RGS8: variants seen among roughly 807,000 people sequenced by gnomAD.
The protein encoded by RGS8 is regulator of G protein signaling 8, also known as regulator of G-protein signaling 8.
A neutral mutation model predicts 21.7 loss-of-function variants in RGS8; 8 were observed. The observed-to-expected ratio is 0.37, with a 90% CI of 0.22 to 0.66. RGS8 has a LOEUF of 0.66. Ranked by LOEUF, RGS8 falls within the 30% of genes least tolerant of loss-of-function variation. The pLI, the probability that RGS8 is intolerant of heterozygous loss-of-function variation, is 0.59. For missense variants in RGS8, 157 were observed against 217.9 expected (o/e 0.72, Z 1.76); for synonymous variants, 80 against 83.6 (o/e 0.96, Z 0.24).
chr1:182,690,285 C>A, the RGS8 span, among the ~76,000 whole-genome samples: 1 of 152,230 alleles, frequency 6.6e-6, no homozygotes, highest in Non-Finnish European at 1.5e-5. Flanking sequence ...TCTGGTACAA[C>A]AATAGCACAC....
chr1:182,704,613 G>A, the RGS8 span, among the ~76,000 whole-genome samples: 1 of 152,156 alleles, frequency 6.6e-6, no homozygotes, highest in Non-Finnish European at 1.5e-5. Context: ...TCTAAAACTG[G>A]TCCCTTTCCA....
the RGS8 span, among the ~76,000 whole-genome samples, chr1:182,747,976 T>G: frequency 6.6e-6 from 1 of 152,268 alleles, no homozygotes; most frequent in Non-Finnish European, 1.5e-5. Flanking sequence ...CTTTTTTTAT[T>G]TTTAAAAGTT....
At chr1:182,741,870 G>A in the RGS8 span, among the ~76,000 whole-genome samples, 4 of 138,368 alleles carry the variant, frequency 2.9e-5, no homozygotes, top group Non-Finnish European at 4.8e-5. Flanking sequence ...GCGGCTGGCC[G>A]GGCGGGGGGC....
chr1:182,732,485 ACT>A, the RGS8 span, among the ~76,000 whole-genome samples: 2 of 152,194 alleles, frequency 1.3e-5, no homozygotes, highest in African/African-American at 4.8e-5. Flanking sequence ...CTTGAAAAAG[ACT>A]CATACCATTC....
At chr1:182,683,596 G>C (rs545030650) in intron 1 of RGS8, among the ~76,000 whole-genome samples, 50 of 103,636 alleles carry the variant, frequency 4.8e-4, no homozygotes, top group African/African-American at 1.9e-3. Context: ...TTCTATCACA[G>C]AAAGAGAAGA....
chr1:182,648,171 A>G (rs377524448), exon 6 of RGS8: 12 of 1,612,910 alleles, frequency 7.4e-6, no homozygotes, highest in Non-Finnish European at 1.0e-5. Flanking sequence ...AAACTCCTCA[A>G]AGATCCTATG....
the RGS8 span, among the ~76,000 whole-genome samples, chr1:182,751,069 A>G: frequency 6.6e-6 from 1 of 152,238 alleles, no homozygotes; most frequent in African/African-American, 2.4e-5. Flanking sequence ...ATGAAAATGA[A>G]AGAACTTGTT....
At chr1:182,688,586 ATAT>A (rs376813171), upstream of RGS8, among the ~76,000 whole-genome samples, 4 of 152,346 alleles carry the variant, frequency 2.6e-5, no homozygotes, top group African/African-American at 9.6e-5. Flanking sequence ...TGAGATGAAA[ATAT>A]TATCCTGGGT....
At chr1:182,692,896 T>C in the RGS8 span, among the ~76,000 whole-genome samples, 1 of 152,158 alleles carries the variant, frequency 6.6e-6, no homozygotes, top group South Asian at 2.1e-4. Flanking sequence ...CCCTATTCAG[T>C]AAATGCTGCT....
chr1:182,744,864 A>T, the RGS8 span, among the ~76,000 whole-genome samples: 318 of 152,302 alleles, frequency 2.1e-3, no homozygotes, highest in Middle Eastern at 6.8e-3. Flanking sequence ...TCATCACCCC[A>T]GAAAGAAACC....
upstream of RGS8, among the ~76,000 whole-genome samples, chr1:182,685,514 T>C (rs553250834): frequency 2.0e-5 from 3 of 152,080 alleles, no homozygotes; most frequent in South Asian, 2.1e-4. Context: ...CAACAAACCA[T>C]GGAAGACAGA....
At chr1:182,651,471 A>T (rs1357293770) in intron 5 of RGS8, among the ~76,000 whole-genome samples, 1 of 152,262 alleles carries the variant, frequency 6.6e-6, no homozygotes, top group African/African-American at 2.4e-5. Context: ...AGAGAGTATC[A>T]CATCACATAT....
chr1:182,665,633 A>G (rs1169970511), intron 5 of RGS8, among the ~76,000 whole-genome samples: 3 of 152,184 alleles, frequency 2.0e-5, no homozygotes. Context: ...TACAAACAAG[A>G]TCTGGCTGGA....
At chr1:182,671,792 G>T (rs1344447877) in intron 1 of RGS8, 62 bp from the exon 3 acceptor site, 5 of 1,607,668 alleles carry the variant, frequency 3.1e-6, no homozygotes, top group Non-Finnish European at 4.3e-6. Flanking sequence ...GGGCATGTGT[G>T]CATGAACACA....
chr1:182,669,720 G>C, exon 3 of RGS8: 12 of 1,610,296 alleles, frequency 7.5e-6, no homozygotes, highest in Non-Finnish European at 1.0e-5. Flanking sequence ...AAGACTGCGG[G>C]GCTCAGGAAT....
At chr1:182,686,943 A>C (rs1217304132), upstream of RGS8, among the ~76,000 whole-genome samples, 1 of 152,190 alleles carries the variant, frequency 6.6e-6, no homozygotes, top group Non-Finnish European at 1.5e-5. Context: ...ATGAAGTGTC[A>C]CAGGAGCCAG....
At chr1:182,731,902 C>T in the RGS8 span, among the ~76,000 whole-genome samples, 1 of 152,186 alleles carries the variant, frequency 6.6e-6, no homozygotes, top group African/African-American at 2.4e-5. Flanking sequence ...AAGCAGATTG[C>T]TGAACAAAAG....
chr1:182,741,497 G>T, the RGS8 span, among the ~76,000 whole-genome samples: 1 of 137,814 alleles, frequency 7.3e-6, no homozygotes, highest in Non-Finnish European at 1.6e-5. Flanking sequence ...CCGGGCGGGG[G>T]GCTGACCCCG....
chr1:182,665,832 G>A, intron 5 of RGS8, 137 bp downstream of exon 6: 1 of 632,026 alleles, frequency 1.6e-6, no homozygotes, highest in Non-Finnish European at 2.9e-6. Flanking sequence ...CCTCTAGGCA[G>A]GAGGCTCTGT....
Sources: gnomAD v4.1 joint callset for allele counts (sites outside exome capture counted in the v4.1 genomes callset) on GRCh38, gnomAD v4.1.1 for gene constraint, MANE v1.5 for transcripts, NCBI Gene and HGNC (gene_info 2026-07-23, HGNC 2026-07-21) for gene names.